SYBU: variants seen among roughly 807,000 people sequenced by gnomAD.
SYBU encodes the protein syntabulin.
In SYBU, 21 loss-of-function variants were observed where a neutral mutation model predicts 35.9. The observed-to-expected ratio is 0.58, with a 90% CI of 0.41 to 0.84. The LOEUF (loss-of-function observed/expected upper bound fraction) is 0.84, where lower values mean the gene tolerates loss of function less well. Ranked by LOEUF, SYBU falls within the 40% of genes least tolerant of loss-of-function variation. The pLI, the probability that SYBU is intolerant of heterozygous loss-of-function variation, is 0.00. For missense variants in SYBU, 768 were observed against 848.2 expected (o/e 0.91, Z 1.17); for synonymous variants, 319 against 324.3 (o/e 0.98, Z 0.18).
At chr8:109,594,706 G>C (rs1255916729) in intron 3 of SYBU, among the ~76,000 whole-genome samples, 1 of 152,010 alleles carries the variant, frequency 6.6e-6, no homozygotes, top group Non-Finnish European at 1.5e-5. Flanking sequence ...TGTCTCGCAC[G>C]TGGCTCACTC....
intron 1 of SYBU, among the ~76,000 whole-genome samples, chr8:109,657,472 A>G (rs1408307838): frequency 6.6e-6 from 1 of 152,244 alleles, no homozygotes; most frequent in East Asian, 1.9e-4. Context: ...GGCTGACAGC[A>G]GGTCTGTAGT....
chr8:109,656,748 C>T (rs529596423), intron 1 of SYBU, among the ~76,000 whole-genome samples: 12 of 152,120 alleles, frequency 7.9e-5, no homozygotes, highest in Non-Finnish European at 1.6e-4. Flanking sequence ...CATTTAAGTA[C>T]TTTACCTTGG....
chr8:109,595,272 C>T (rs181343724), intron 3 of SYBU, among the ~76,000 whole-genome samples: 75 of 152,184 alleles, frequency 4.9e-4, no homozygotes, highest in Admixed American at 1.3e-3. Flanking sequence ...AAAGATGGTC[C>T]TGGCAGAGGA....
At chr8:109,663,258 C>CATATAGAT (rs1282405275) in intron 1 of SYBU, among the ~76,000 whole-genome samples, 166 of 149,146 alleles carry the variant, frequency 1.1e-3, no homozygotes, top group African/African-American at 3.9e-3. Flanking sequence ...AAAATACATA[C>CATATAGAT]AGATAGATAG....
At chr8:109,583,437 T>C (rs1034317499) in intron 4 of SYBU, among the ~76,000 whole-genome samples, 9 of 152,240 alleles carry the variant, frequency 5.9e-5, no homozygotes, top group Admixed American at 1.3e-4. Flanking sequence ...CTTAGAAATA[T>C]CAGCAGAGTT....
chr8:109,668,971 G>C (rs901314665), intron 1 of SYBU, among the ~76,000 whole-genome samples: 2 of 152,112 alleles, frequency 1.3e-5, no homozygotes, highest in African/African-American at 2.4e-5. Flanking sequence ...GCCTATGAAA[G>C]GGGAGACATT....
chr8:109,638,585 A>G (rs1009674910), intron 2 of SYBU, among the ~76,000 whole-genome samples: 42 of 152,206 alleles, frequency 2.8e-4, no homozygotes, highest in Admixed American at 7.9e-4. Flanking sequence ...TTTTGTTTCT[A>G]TTAACTTCCT....
chr8:109,578,162 G>C, intron 5 of SYBU, 145 bp from the exon 6 acceptor site: 1 of 905,188 alleles, frequency 1.1e-6, no homozygotes, highest in South Asian at 1.9e-5. Flanking sequence ...GACGGTATTA[G>C]GTGGTGACGA....
In SYBU at chr8:109,609,735, G is replaced by C. The variant is rs1255110514; in HGVS notation, c.427+9107C>G. On this transcript the variant is annotated intron_variant, in intron 3 of 6. Coordinates refer to ENST00000276646, the MANE Select transcript of SYBU (RefSeq NM_001099754.2). ...GCTATGATCACACCACTGAACTCCA[G>C]CCTGGGGGACAGAGCAAGACACTGT... 3.3e-5 allele frequency among the ~76,000 whole-genome samples: 5 copies of C among 152,172 alleles called. No individual in the cohort carries two copies. The East Asian group carries it at 9.6e-4, about 29-fold the overall frequency.
At chr8:109,632,275 A>G (rs1813711462) in intron 2 of SYBU, among the ~76,000 whole-genome samples, 1 of 152,208 alleles carries the variant, frequency 6.6e-6, no homozygotes, top group East Asian at 1.9e-4. Flanking sequence ...TCCTGACCTC[A>G]GATGACCTGC....
rs544179617 is a variant in SYBU at position 109,658,486 on chromosome 8, A to G, written c.-129+22225T>C. Among the ~76,000 whole-genome samples the G allele has an allele frequency of 3.8e-4, 58 of 152,356 alleles. 1 individual carries two copies. The highest frequency in any genetic ancestry group is 2.1e-3 in the South Asian group (10 of 4,830). On this transcript the variant is annotated intron_variant, in intron 1 of 5. Coordinates refer to the SYBU transcript ENST00000408889. ...CAAAGCCAGTGTTTTAAATGTGTTC[A>G]TAGTTGGTAGCTCTAGAAATGATGA...
intron 3 of SYBU, among the ~76,000 whole-genome samples, chr8:109,605,266 T>C (rs528437974): frequency 1.3e-5 from 2 of 152,350 alleles, no homozygotes; most frequent in South Asian, 4.1e-4. Context: ...AAAGTCACCA[T>C]GCTAGTGGGG....
intron 1 of SYBU, among the ~76,000 whole-genome samples, chr8:109,658,905 G>C (rs1816458272): frequency 6.6e-6 from 1 of 151,862 alleles, no homozygotes; most frequent in Non-Finnish European, 1.5e-5. Context: ...AGTGAGCAGA[G>C]ATTGCGCCAC....
chr8:109,682,821 C>T (rs1228479731), upstream of SYBU, among the ~76,000 whole-genome samples: 1 of 152,224 alleles, frequency 6.6e-6, no homozygotes, highest in Non-Finnish European at 1.5e-5. Flanking sequence ...AGGCCCAGGG[C>T]TCCCCTGCTG....
upstream of SYBU, among the ~76,000 whole-genome samples, chr8:109,648,500 G>A (rs56003808): frequency 2.0e-4 from 30 of 151,858 alleles, no homozygotes; most frequent in Admixed American, 7.9e-4. Context: ...CAAAAATCCC[G>A]TGAGGTACAT....
At chr8:109,612,836 C>T (rs921626509) in intron 3 of SYBU, among the ~76,000 whole-genome samples, 1 of 152,040 alleles carries the variant, frequency 6.6e-6, no homozygotes, top group African/African-American at 2.4e-5. Flanking sequence ...AAAAATTAGC[C>T]AGGCGTGGTG....
At chr8:109,679,830 T>G (rs1817336893) in intron 1 of SYBU, among the ~76,000 whole-genome samples, 1 of 152,230 alleles carries the variant, frequency 6.6e-6, no homozygotes, top group Admixed American at 6.5e-5. Flanking sequence ...GGTGGGAGTT[T>G]AACTGGTACC....
At chr8:109,643,154 C>G (rs1815125514) in intron 1 of SYBU, 1 of 1,169,188 alleles carries the variant, frequency 8.6e-7, no homozygotes, top group South Asian at 3.2e-5. Flanking sequence ...GTGGCACACA[C>G]ACACACACAC....
At chr8:109,650,882 A>G (rs1313001387) in intron 1 of SYBU, among the ~76,000 whole-genome samples, 3 of 152,250 alleles carry the variant, frequency 2.0e-5, no homozygotes, top group Non-Finnish European at 2.9e-5. Flanking sequence ...GATACTCATT[A>G]TCTCATTGCC....
Sources: gnomAD v4.1 joint callset for allele counts (sites outside exome capture counted in the v4.1 genomes callset) on GRCh38, gnomAD v4.1.1 for gene constraint, MANE v1.5 for transcripts, NCBI Gene and HGNC (gene_info 2026-07-23, HGNC 2026-07-21) for gene names.